The following KIAA1217 variants were observed in gnomAD, a reference collection of about 807,000 sequenced individuals.
KIAA1217 encodes the protein KIAA1217, also known as sickle tail protein homolog.
In KIAA1217, 88 loss-of-function variants were observed where a neutral mutation model predicts 163.9. That is an observed-to-expected ratio of 0.54 (90% CI 0.45 to 0.64). The LOEUF is 0.64. Ranked by LOEUF, KIAA1217 falls within the 30% of genes least tolerant of loss-of-function variation. The pLI, the probability that KIAA1217 is intolerant of heterozygous loss-of-function variation, is 0.00. For missense variants in KIAA1217, 2,372 were observed against 2,475.0 expected (o/e 0.96, Z 0.88); for synonymous variants, 903 against 923.1 (o/e 0.98, Z 0.39).
upstream of KIAA1217, among the ~76,000 whole-genome samples, chr10:24,205,302 CAAAAAAAAAA>C (rs61292023): frequency 0.23 from 8,561 of 36,744 alleles, 439 homozygotes; most frequent in African/African-American, 0.35. Context: ...ACTAAAAATA[CAAAAAAAAAA>C]AAAAAAAAAA....
At chr10:24,433,324 T>TTGTTTTC in intron 4 of KIAA1217, 131 bp downstream of exon 4, 1 of 648,642 alleles carries the variant, frequency 1.5e-6, no homozygotes, top group Admixed American at 3.0e-5. Context: ...TTTTTGTTTT[T>TTGTTTTC]TGTTTTTTGT....
At position 24,216,380 on chromosome 10, in the gene KIAA1217, G is replaced by A. The variant is rs1190810405; in HGVS notation, c.71-3246G>A. Among the ~76,000 whole-genome samples the A allele has an allele frequency of 3.3e-5, 5 of 152,208 alleles. 1 individual carries two copies. Among genetic ancestry groups the A allele is most frequent in the Non-Finnish European group, 7.3e-5 (5 of 68,038 alleles). On this transcript the variant is annotated intron_variant, in intron 1 of 20. Transcript: ENST00000376454. Reference sequence around the variant, plus strand: ...GACATGCATGGATGTTTATCTGTATGGCTGTATGTGTGTATGTAGACAGAT... The same window carrying A: ...GACATGCATGGATGTTTATCTGTATAGCTGTATGTGTGTATGTAGACAGAT...
At position 24,425,319 on chromosome 10, in the gene KIAA1217, A is replaced by T. The variant is rs116694292; in HGVS notation, c.554-7676A>T. The stretch of plus-strand genomic sequence containing the variant: ...AGGTATTTCAGGAGACTTAACTTGA[A>T]CCTAACGAAACCAAGTTTCAGGCCC... On this transcript the variant is annotated intron_variant, in intron 3 of 20. Transcript: ENST00000376454. Among the ~76,000 whole-genome samples, 367 of 152,206 alleles carry T rather than the reference A, an allele frequency of 2.4e-3. 2 individuals are homozygous for T. Among genetic ancestry groups the T allele is most frequent in the African/African-American group, 8.3e-3 (346 of 41,534 alleles).
chr10:23,845,201 T>G (rs1036308838), intron 1 of KIAA1217, among the ~76,000 whole-genome samples: 1 of 152,196 alleles, frequency 6.6e-6, no homozygotes, highest in Non-Finnish European at 1.5e-5. Flanking sequence ...TAAACATACA[T>G]GTGCATGGTC....
chr10:24,242,478 T>G (rs1173333421), intron 2 of KIAA1217, among the ~76,000 whole-genome samples: 1 of 152,236 alleles, frequency 6.6e-6, no homozygotes, highest in Non-Finnish European at 1.5e-5. Context: ...TACCACATTT[T>G]CTTTATCCAG....
chr10:24,008,740 C>T (rs1289271522), intron 2 of KIAA1217, among the ~76,000 whole-genome samples: 2 of 152,144 alleles, frequency 1.3e-5, no homozygotes, highest in Non-Finnish European at 2.9e-5. Flanking sequence ...CTCTGCCAAA[C>T]CAGCTACCTT....
intron 2 of KIAA1217, among the ~76,000 whole-genome samples, chr10:24,297,286 G>A (rs1048875839): frequency 5.3e-5 from 8 of 152,204 alleles, no homozygotes; most frequent in Non-Finnish European, 1.2e-4. Context: ...GACTACATTT[G>A]TGTTTAATAA....
chr10:24,432,949 C>T (rs776768684), intron 3 of KIAA1217, 46 bp from the exon 4 acceptor site: 2 of 1,505,998 alleles, frequency 1.3e-6, no homozygotes, highest in South Asian at 1.1e-5. Flanking sequence ...GCTGTGTGTC[C>T]CCTGAGTCTT....
intron 1 of KIAA1217, among the ~76,000 whole-genome samples, chr10:23,818,351 A>AAATAT (rs374977941): frequency 7.5e-4 from 101 of 134,886 alleles, no homozygotes; most frequent in Non-Finnish European, 1.0e-3. Flanking sequence ...TATATAAAAA[A>AAATAT]ATATATATAT....
chr10:23,711,268 A>G, intron 1 of KIAA1217, among the ~76,000 whole-genome samples: 1 of 152,186 alleles, frequency 6.6e-6, no homozygotes, highest in East Asian at 1.9e-4. Context: ...AGCAAAAGAG[A>G]CTTTGCAGAT....
intron 4 of KIAA1217, among the ~76,000 whole-genome samples, chr10:24,434,453 T>C (rs1176784201): frequency 2.0e-5 from 3 of 152,184 alleles, no homozygotes; most frequent in African/African-American, 7.2e-5. Flanking sequence ...TCCTCCCACC[T>C]CTGCCTTCCG....
intron 1 of KIAA1217, among the ~76,000 whole-genome samples, chr10:24,002,656 A>G (rs1846799455): frequency 6.6e-6 from 1 of 152,120 alleles, no homozygotes; most frequent in South Asian, 2.1e-4. Context: ...GCTATTTTTT[A>G]AATTTTATTT....
intron 6 of KIAA1217, among the ~76,000 whole-genome samples, chr10:24,493,217 C>T (rs1005312641): frequency 7.9e-5 from 12 of 152,224 alleles, no homozygotes; most frequent in African/African-American, 2.2e-4. Context: ...TAAGAATATA[C>T]TGTTTGCAGC....
At chr10:24,209,343 T>A in intron 1 of KIAA1217, 80 bp downstream of exon 1, 3 of 994,868 alleles carry the variant, frequency 3.0e-6, no homozygotes, top group Non-Finnish European at 4.5e-6. Context: ...AAACTGCAGC[T>A]CTGGGACCCG....
chr10:23,795,728 GC>G (rs1386514122), intron 1 of KIAA1217, among the ~76,000 whole-genome samples: 1 of 152,138 alleles, frequency 6.6e-6, no homozygotes, highest in Non-Finnish European at 1.5e-5. Flanking sequence ...AGGAAGAAAT[GC>G]AAAACAAAGA....
intron 1 of KIAA1217, among the ~76,000 whole-genome samples, chr10:23,886,628 G>A (rs1841187139): frequency 6.6e-6 from 1 of 151,980 alleles, no homozygotes; most frequent in African/African-American, 2.4e-5. Flanking sequence ...CTTAATGACA[G>A]TTGAACAGGA....
intron 1 of KIAA1217, among the ~76,000 whole-genome samples, chr10:23,788,443 C>G (rs1184149888): frequency 6.6e-6 from 1 of 152,154 alleles, no homozygotes; most frequent in African/African-American, 2.4e-5. Context: ...TTTTTAATTC[C>G]TATCCAGTAC....
rs72771465 is a variant in KIAA1217, at chr10:23,973,235, A to G, written c.-320-33990A>G. ...AGAATTAAGTTTAGGAGGGAAAAAAATAGCTCTAAAGAGGGAAAAGAGAAT... is the reference window on the plus strand; with the variant it reads ...AGAATTAAGTTTAGGAGGGAAAAAAGTAGCTCTAAAGAGGGAAAAGAGAAT... On this transcript the variant is annotated intron_variant, in intron 1 of 18. Transcript: ENST00000376462. Among the ~76,000 whole-genome samples the G allele has an allele frequency of 4.4e-3, 671 of 152,322 alleles. 7 individuals are homozygous for G. Among genetic ancestry groups the G allele is most frequent in the Non-Finnish European group, 4.8e-3 (329 of 68,028 alleles).
intron 2 of KIAA1217, among the ~76,000 whole-genome samples, chr10:24,339,889 T>C (rs2046852704): frequency 6.6e-6 from 1 of 152,250 alleles, no homozygotes; most frequent in African/African-American, 2.4e-5. Flanking sequence ...TTCTCCCCTT[T>C]TCTTTGACTC....
Sources: allele counts gnomAD v4.1 joint callset (sites outside exome capture counted in the v4.1 genomes callset), GRCh38; gene constraint gnomAD v4.1.1; transcripts MANE v1.5; gene names NCBI Gene and HGNC (gene_info 2026-07-23, HGNC 2026-07-21).